The following LRP1B variants were observed in gnomAD, a reference collection of about 807,000 sequenced individuals.
LRP1B encodes LDL receptor related protein 1B.
LRP1B carries 217 observed loss-of-function variants against 556.6 expected under a neutral mutation model. The ratio of observed to expected loss-of-function variants is 0.39; its 90% CI spans 0.35 to 0.44. The LOEUF (loss-of-function observed/expected upper bound fraction) is 0.44. LRP1B is among the 20% of genes least tolerant of loss of function. The pLI is 1.00. For missense variants in LRP1B, 5,053 were observed against 5,620.8 expected (o/e 0.90, Z 3.23); for synonymous variants, 2,047 against 1,865.8 (o/e 1.10, Z -2.50).
At chr2:141,396,838 C>T (rs779898271) in intron 3 of LRP1B, among the ~76,000 whole-genome samples, 5 of 151,852 alleles carry the variant, frequency 3.3e-5, no homozygotes, top group African/African-American at 9.7e-5. Context: ...AAAGAGGATG[C>T]GTGGCCGGGC....
intron 27 of LRP1B, among the ~76,000 whole-genome samples, chr2:140,858,330 C>T (rs576582818): frequency 5.0e-4 from 76 of 151,308 alleles, no homozygotes; most frequent in African/African-American, 1.6e-3. Flanking sequence ...AATCTCATAC[C>T]GATAGTATAT....
At chr2:140,383,494 A>C (rs538840413) in intron 67 of LRP1B, among the ~76,000 whole-genome samples, 1 of 150,848 alleles carries the variant, frequency 6.6e-6, no homozygotes, top group East Asian at 2.0e-4. Flanking sequence ...CCTGTGTAGA[A>C]CGACTGGCAT....
rs1292405147 is a variant in LRP1B at position 141,483,568 on chromosome 2, C to T, written c.206-3035G>A. ...CTTCCACAATGGTTGAACTACTTTA[C>T]GGTCCCACCAACAGTGTAAAAGTGT... is the stretch of plus-strand genomic sequence containing the variant. On this transcript the variant is annotated intron_variant, in intron 2 of 90. Transcript: ENST00000389484. 4.1e-3 allele frequency among the ~76,000 whole-genome samples: 13 copies of T among 3,144 alleles called. No homozygotes were observed. In the Non-Finnish European group the frequency reaches 0.077, roughly 19 times the overall value. The allele number at this position is 3,144 out of a possible 152,430, so 2.1% of individuals were successfully genotyped here.
chr2:141,813,876 G>A (rs577821527), intron 1 of LRP1B, among the ~76,000 whole-genome samples: 37 of 152,180 alleles, frequency 2.4e-4, no homozygotes, highest in Non-Finnish European at 3.4e-4. Context: ...AGCAAGAGGG[G>A]GTCTAAAAGA....
chr2:141,148,464 C>G (rs1264120309), intron 7 of LRP1B, among the ~76,000 whole-genome samples: 1 of 152,078 alleles, frequency 6.6e-6, no homozygotes, highest in African/African-American at 2.4e-5. Context: ...GGAGAAGCCA[C>G]GTGGAGAGAA....
intron 29 of LRP1B, among the ~76,000 whole-genome samples, chr2:140,843,938 A>T: frequency 6.6e-6 from 1 of 152,214 alleles, no homozygotes; most frequent in African/African-American, 2.4e-5. Context: ...ATTTTTAATG[A>T]ATTAATGAAT....
intron 41 of LRP1B, among the ~76,000 whole-genome samples, chr2:140,604,968 G>A (rs1682815166): frequency 6.6e-6 from 1 of 152,120 alleles, no homozygotes; most frequent in African/African-American, 2.4e-5. Context: ...CCCCAGTCAT[G>A]TGGAACTGTG....
chr2:140,808,747 G>A (rs1041841071), intron 32 of LRP1B, among the ~76,000 whole-genome samples: 4 of 152,196 alleles, frequency 2.6e-5, no homozygotes, highest in Non-Finnish European at 5.9e-5. Context: ...ATTTATTGCT[G>A]TTAGGGGTGC....
intron 1 of LRP1B, among the ~76,000 whole-genome samples, chr2:142,093,499 A>G (rs1706249191): frequency 6.6e-6 from 1 of 152,148 alleles, no homozygotes; most frequent in African/African-American, 2.4e-5. Flanking sequence ...GATAGGCAAG[A>G]TAAAATACAG....
intron 41 of LRP1B, among the ~76,000 whole-genome samples, chr2:140,658,202 T>A (rs1684959191): frequency 6.6e-6 from 1 of 152,100 alleles, no homozygotes; most frequent in Non-Finnish European, 1.5e-5. Flanking sequence ...ATAAAAAGTT[T>A]AAAAGGAAAG....
At chr2:140,513,429 C>A (rs966078603) in intron 51 of LRP1B, among the ~76,000 whole-genome samples, 2 of 151,970 alleles carry the variant, frequency 1.3e-5, no homozygotes, top group Admixed American at 6.6e-5. Flanking sequence ...ATAGGTAATT[C>A]TTTTATTAAA....
chr2:140,387,294 G>A (rs1683800478), intron 66 of LRP1B, among the ~76,000 whole-genome samples: 1 of 152,080 alleles, frequency 6.6e-6, no homozygotes, highest in East Asian at 1.9e-4. Flanking sequence ...CATTAAGAAA[G>A]CAAAAGTGAC....
At chr2:141,883,438 A>G (rs1172576789) in intron 1 of LRP1B, among the ~76,000 whole-genome samples, 8 of 152,182 alleles carry the variant, frequency 5.3e-5, no homozygotes, top group African/African-American at 1.9e-4. Context: ...CAATGATTCA[A>G]AATTACCTTT....
At chr2:141,777,651 G>A (rs62158042) in intron 2 of LRP1B, among the ~76,000 whole-genome samples, 13,933 of 152,068 alleles carry the variant, frequency 0.092, 700 homozygotes, top group Non-Finnish European at 0.1. Context: ...CTGACCTCAG[G>A]TGATCCACCC....
intron 5 of LRP1B, among the ~76,000 whole-genome samples, chr2:141,241,899 C>T (rs1301132975): frequency 6.6e-6 from 1 of 151,536 alleles, no homozygotes; most frequent in Non-Finnish European, 1.5e-5. Context: ...GAAATAATAA[C>T]TTATGCAGGA....
intron 1 of LRP1B, among the ~76,000 whole-genome samples, chr2:141,943,805 T>C (rs769206023): frequency 1.3e-5 from 2 of 152,138 alleles, no homozygotes; most frequent in Non-Finnish European, 2.9e-5. Context: ...CCCAGCATCA[T>C]AATGTAGGAA....
intron 11 of LRP1B, among the ~76,000 whole-genome samples, chr2:141,042,016 T>C (rs1266627082): frequency 1.3e-5 from 2 of 152,088 alleles, no homozygotes; most frequent in African/African-American, 2.4e-5. Flanking sequence ...TTGGAGGGCA[T>C]TGTTCAGCAT....
chr2:141,776,453 A>G (rs1695076219), intron 2 of LRP1B, among the ~76,000 whole-genome samples: 1 of 152,180 alleles, frequency 6.6e-6, no homozygotes, highest in Admixed American at 6.5e-5. Context: ...TATTAATATG[A>G]TATTGTTTTG....
intron 11 of LRP1B, among the ~76,000 whole-genome samples, chr2:141,034,635 T>G (rs1245930763): frequency 6.6e-6 from 1 of 151,592 alleles, no homozygotes; most frequent in Non-Finnish European, 1.5e-5. Context: ...ATCAGAGAAA[T>G]GCAAATCAAA....
Sources: gnomAD v4.1 joint callset for allele counts (sites outside exome capture counted in the v4.1 genomes callset) on GRCh38, gnomAD v4.1.1 for gene constraint, MANE v1.5 for transcripts, NCBI Gene and HGNC (gene_info 2026-07-23, HGNC 2026-07-21) for gene names.